Variants in SPATA17 observed in about 807,000 individuals in gnomAD.
SPATA17 encodes spermatogenesis-associated protein 17.
Under a neutral mutation model 62.2 loss-of-function variants are expected in SPATA17, and 53 were observed. The observed-to-expected ratio is 0.85, with a 90% confidence interval of 0.68 to 1.07. SPATA17 has a LOEUF of 1.07. Ranked by LOEUF, SPATA17 falls within the 50% of genes least tolerant of loss-of-function variation. The pLI, the probability that SPATA17 is intolerant of heterozygous loss-of-function variation, is 0.00. For synonymous variants in SPATA17, 146 were observed against 146.8 expected (o/e 0.99, Z 0.04); for missense variants, 466 against 425.5 (o/e 1.10, Z -0.84).
intron 5 of SPATA17, among the ~76,000 whole-genome samples, chr1:217,722,145 T>A (rs1477120993): frequency 1.3e-5 from 2 of 152,178 alleles, no homozygotes; most frequent in African/African-American, 4.8e-5. Flanking sequence ...AATGACTTTC[T>A]GATAAAGAAA....
At chr1:217,680,182 G>C (rs1671045902) in intron 4 of SPATA17, among the ~76,000 whole-genome samples, 1 of 152,098 alleles carries the variant, frequency 6.6e-6, no homozygotes, top group African/African-American at 2.4e-5. Context: ...AATTGTTACT[G>C]TACATGCAGT....
At chr1:217,705,536 G>A (rs1671715183) in intron 5 of SPATA17, among the ~76,000 whole-genome samples, 1 of 140,852 alleles carries the variant, frequency 7.1e-6, no homozygotes, top group Non-Finnish European at 1.5e-5. Context: ...TGCCTCCCAG[G>A]TTCAAGCAAT....
chr1:217,640,786 T>C (rs1288777589), intron 1 of SPATA17, among the ~76,000 whole-genome samples: 1 of 151,934 alleles, frequency 6.6e-6, no homozygotes, highest in Non-Finnish European at 1.5e-5. Context: ...CAAAATAAGG[T>C]ATAAGAAAAG....
chr1:217,651,719 A>C (rs1220494560), intron 3 of SPATA17, among the ~76,000 whole-genome samples: 1 of 152,216 alleles, frequency 6.6e-6, no homozygotes, highest in Admixed American at 6.5e-5. Context: ...TTTTTTATGG[A>C]AAGTTAAATA....
intron 8 of SPATA17, among the ~76,000 whole-genome samples, chr1:217,789,731 CTT>C (rs199804859): frequency 0.019 from 2,894 of 152,228 alleles, 101 homozygotes; most frequent in African/African-American, 0.066. Flanking sequence ...AAGAGAAACT[CTT>C]TTCAAAAATT....
intron 5 of SPATA17, among the ~76,000 whole-genome samples, chr1:217,690,193 G>C (rs184201050): frequency 6.6e-6 from 1 of 152,004 alleles, no homozygotes; most frequent in Non-Finnish European, 1.5e-5. Flanking sequence ...GTGAGCCACC[G>C]GGCCCAGCCT....
chr1:217,700,762 CT>C (rs71556698), intron 5 of SPATA17, among the ~76,000 whole-genome samples: 67 of 134,790 alleles, frequency 5.0e-4, no homozygotes, highest in Middle Eastern at 4.1e-3. Context: ...TTTTCTTTTT[CT>C]TTTTTTTTTT....
intron 3 of SPATA17, 69 bp downstream of exon 3, chr1:217,651,247 A>G: frequency 2.4e-6 from 3 of 1,261,446 alleles, no homozygotes; most frequent in Non-Finnish European, 3.3e-6. Flanking sequence ...CACTTTAGTC[A>G]TATTTCCATA....
chr1:217,697,675 A>G (rs868613092), intron 5 of SPATA17, among the ~76,000 whole-genome samples: 1 of 151,968 alleles, frequency 6.6e-6, no homozygotes, highest in Non-Finnish European at 1.5e-5. Flanking sequence ...TAGATTTTCT[A>G]TAACTTTTTT....
At chr1:217,720,021 A>C (rs1163473097) in intron 5 of SPATA17, among the ~76,000 whole-genome samples, 1 of 152,220 alleles carries the variant, frequency 6.6e-6, no homozygotes, top group African/African-American at 2.4e-5. Context: ...GTTAGGCACT[A>C]CTGGTTCTCC....
intron 6 of SPATA17, among the ~76,000 whole-genome samples, chr1:217,743,955 T>C (rs888329871): frequency 6.6e-6 from 1 of 152,106 alleles, no homozygotes; most frequent in African/African-American, 2.4e-5. Flanking sequence ...AATTCTGTTT[T>C]TTTCAAGGTT....
chr1:217,633,453 A>T (rs1467895765), intron 1 of SPATA17, among the ~76,000 whole-genome samples: 3 of 152,012 alleles, frequency 2.0e-5, no homozygotes, highest in Non-Finnish European at 4.4e-5. Context: ...GTGCCAAACA[A>T]ACAATTAATT....
intron 8 of SPATA17, among the ~76,000 whole-genome samples, chr1:217,796,698 A>G (rs528848109): frequency 2.0e-5 from 3 of 152,316 alleles, no homozygotes; most frequent in African/African-American, 7.2e-5. Context: ...AGTCTGTCTA[A>G]TTTCTATTCC....
At chr1:217,780,173 G>T (rs1673699427) in intron 7 of SPATA17, among the ~76,000 whole-genome samples, 1 of 152,060 alleles carries the variant, frequency 6.6e-6, no homozygotes, top group Non-Finnish European at 1.5e-5. Flanking sequence ...AGGCATGACT[G>T]GGATAGATGA....
chr1:217,677,850 A>T (rs969962614), intron 4 of SPATA17, among the ~76,000 whole-genome samples: 4 of 152,164 alleles, frequency 2.6e-5, no homozygotes, highest in African/African-American at 7.2e-5. Flanking sequence ...TCTTTTGATA[A>T]AAATATCTAG....
At chr1:217,811,444 C>A (rs1487225245) in intron 9 of SPATA17, among the ~76,000 whole-genome samples, 1 of 152,024 alleles carries the variant, frequency 6.6e-6, no homozygotes, top group African/African-American at 2.4e-5. Context: ...ACCTTCCTTT[C>A]TTTTTTTTCT....
At chr1:217,805,875 T>C (rs1466401294) in intron 9 of SPATA17, among the ~76,000 whole-genome samples, 1 of 152,208 alleles carries the variant, frequency 6.6e-6, no homozygotes, top group African/African-American at 2.4e-5. Context: ...AAGTAATCTG[T>C]TGAGTTACTG....
intron 6 of SPATA17, among the ~76,000 whole-genome samples, chr1:217,761,649 G>A (rs530881129): frequency 4.6e-5 from 7 of 152,218 alleles, no homozygotes; most frequent in South Asian, 2.1e-4. Flanking sequence ...GGGGTAGGGC[G>A]TTAATAGAGT....
At chr1:217,793,945 C>A (rs933221343) in intron 8 of SPATA17, among the ~76,000 whole-genome samples, 1 of 151,870 alleles carries the variant, frequency 6.6e-6, no homozygotes, top group Non-Finnish European at 1.5e-5. Flanking sequence ...GAAACCCCGT[C>A]TTTACTAAAA....
Sources: gnomAD v4.1 joint callset for allele counts (sites outside exome capture counted in the v4.1 genomes callset) on GRCh38, gnomAD v4.1.1 for gene constraint, MANE v1.5 for transcripts, NCBI Gene and HGNC (gene_info 2026-07-23, HGNC 2026-07-21) for gene names.